IL5RA: variants seen among roughly 807,000 people sequenced by gnomAD.
The protein encoded by IL5RA is interleukin 5 receptor subunit alpha.
A neutral mutation model predicts 50.0 loss-of-function variants in IL5RA; 49 were observed. That is an observed-to-expected ratio of 0.98 (90% confidence interval 0.78 to 1.24). The LOEUF (loss-of-function observed/expected upper bound fraction) is 1.24. Ranked by LOEUF, IL5RA falls within the 50% of genes most tolerant of loss-of-function variation. The pLI, the probability that IL5RA is intolerant of heterozygous loss-of-function variation, is 0.00. For synonymous variants in IL5RA, 202 were observed against 174.0 expected, an observed-to-expected ratio of 1.16 and a Z score of -1.26; for missense variants, 600 against 500.4, an observed-to-expected ratio of 1.20 and a Z score of -1.90.
intron 9 of IL5RA, among the ~76,000 whole-genome samples, chr3:3,084,344 A>T (rs1434072977): frequency 6.6e-6 from 1 of 152,228 alleles, no homozygotes; most frequent in Non-Finnish European, 1.5e-5. Flanking sequence ...GAATTCTAAA[A>T]ATGCAGAGAG....
rs868206726 is a variant in IL5RA at position 3,093,426 on chromosome 3, A to G, written c.856-1064T>C. Among the ~76,000 whole-genome samples the G allele has an allele frequency of 1.2e-4, 18 of 152,368 alleles. 1 individual carries two copies. Among genetic ancestry groups the G allele is most frequent in the Middle Eastern group, 3.4e-3 (1 of 294 alleles). ...TTTGACATTGCCATGATATCCAAAC[A>G]CATGATCAGTGAACTGACACTTTAC... On this transcript the variant is annotated intron_variant, in intron 8 of 11. Coordinates refer to ENST00000446632, the MANE Select transcript of IL5RA (RefSeq NM_175726.4).
intron 9 of IL5RA, among the ~76,000 whole-genome samples, chr3:3,087,174 A>G (rs1004565892): frequency 6.6e-6 from 1 of 152,204 alleles, no homozygotes; most frequent in South Asian, 2.1e-4. Context: ...TATGCAATTC[A>G]TCCATGTAAC....
In IL5RA at chr3:3,075,203, CT is replaced by C. The variant is rs10642608; in HGVS notation, c.1092-338del. 1.6e-3 allele frequency among the ~76,000 whole-genome samples: 110 copies of C among 69,976 alleles called. No individual in the cohort carries two copies. In the East Asian group the frequency reaches 0.021, roughly 13 times the overall value. 45.9% of individuals were successfully genotyped at this position (69,976 alleles called of 152,430 possible). On this transcript the variant is annotated intron_variant, in intron 10 of 11. Coordinates refer to ENST00000446632, the MANE Select transcript of IL5RA (RefSeq NM_175726.4). ...TATGTTTACTCACAGAGTTTACTTA[CT>C]TTTTTTTTTTTTTTTTTTTTTTTGG...
chr3:3,098,883 T>G (rs1229908240), intron 5 of IL5RA, among the ~76,000 whole-genome samples: 1 of 152,134 alleles, frequency 6.6e-6, no homozygotes, highest in Non-Finnish European at 1.5e-5. Context: ...TACAATATAT[T>G]GTCATTTTGA....
At chr3:3,099,151 T>G (rs1023066487) in intron 5 of IL5RA, among the ~76,000 whole-genome samples, 1 of 152,154 alleles carries the variant, frequency 6.6e-6, no homozygotes, top group Non-Finnish European at 1.5e-5. Context: ...CTTTGCAGAC[T>G]TGATGCACAT....
intron 9 of IL5RA, among the ~76,000 whole-genome samples, chr3:3,090,482 A>G (rs1298591219): frequency 2.0e-5 from 3 of 151,624 alleles, no homozygotes; most frequent in Non-Finnish European, 4.4e-5. Context: ...TCCTTCTCTC[A>G]TACAATGCCT....
chr3:3,070,141 T>C lies in IL5RA; in HGVS notation c.*84A>G, dbSNP rs866331909. The stretch of plus-strand genomic sequence containing the variant: ...GAGTGTTGCCTAAATTCTGAACACC[T>C]CTTAGCCAAGAGCCAGCATCCCTGT... On this transcript the variant is annotated 3_prime_UTR_variant, in exon 12 of 12. Coordinates refer to ENST00000446632, the MANE Select transcript of IL5RA (RefSeq NM_175726.4). 5.7e-6 allele frequency: 5 copies of C among 872,004 alleles called. No homozygotes were observed. Among genetic ancestry groups the C allele is most frequent in the African/African-American group, 1.7e-5 (1 of 58,634 alleles). The allele number at this position is 872,004 out of a possible 1,614,324, so 54.0% of individuals were successfully genotyped here. A position where few individuals can be genotyped will look rare whatever the true frequency, so the allele number is the denominator to read the frequency against.
At chr3:3,071,703 C>T (rs778524208) in intron 11 of IL5RA, among the ~76,000 whole-genome samples, 1 of 151,970 alleles carries the variant, frequency 6.6e-6, no homozygotes, top group Non-Finnish European at 1.5e-5. Flanking sequence ...CATCTTCCCA[C>T]CTCAGCCTCC....
At chr3:3,085,398 T>G (rs1315076332) in intron 9 of IL5RA, among the ~76,000 whole-genome samples, 1 of 152,202 alleles carries the variant, frequency 6.6e-6, no homozygotes, top group Non-Finnish European at 1.5e-5. Flanking sequence ...CCCTTTCATC[T>G]TCCTTCGTGT....
intron 9 of IL5RA, chr3:3,091,973 C>T (rs951931416): frequency 5.0e-6 from 6 of 1,209,414 alleles, no homozygotes; most frequent in Non-Finnish European, 5.1e-6. Flanking sequence ...GAAGTAGAAA[C>T]AAAACTTGGA....
intron 5 of IL5RA, among the ~76,000 whole-genome samples, chr3:3,100,290 G>C (rs1387814682): frequency 1.3e-5 from 2 of 152,178 alleles, no homozygotes; most frequent in African/African-American, 4.8e-5. Flanking sequence ...AAGATGATGA[G>C]AGAGAGCCTC....
Position 3,069,632 on chromosome 3 carries a change from C to CTG in IL5RA, c.*592_*593insCA, listed in dbSNP as rs761994838. ...AGGCCTCTGGAGCTTGAGATAATTT[C>CTG]TCTCTCTCTCTCTCTCTCTCTCTCT... On this transcript the variant is annotated 3_prime_UTR_variant, in exon 12 of 12. Transcript: ENST00000446632. 1 of 93,792 alleles carries CTG rather than the reference C, an allele frequency of 1.1e-5. No individual in the cohort carries two copies. Among genetic ancestry groups the CTG allele is most frequent in the Non-Finnish European group, 2.3e-5 (1 of 44,176 alleles). 5.8% of individuals were successfully genotyped at this position (93,792 alleles called of 1,614,324 possible).
chr3:3,099,465 CA>C (rs1311373734), intron 5 of IL5RA, among the ~76,000 whole-genome samples: 1 of 151,940 alleles, frequency 6.6e-6, no homozygotes, highest in Non-Finnish European at 1.5e-5. Flanking sequence ...CCCAACTCTA[CA>C]AAAAATACAA....
In IL5RA at chr3:3,104,896, T is replaced by C. The variant is rs775184334; in HGVS notation, c.82+7A>G. On this transcript the variant is annotated splice_region_variant and intron_variant, in intron 3 of 11. Coordinates refer to ENST00000446632, the MANE Select transcript of IL5RA (RefSeq NM_175726.4). The stretch of plus-strand genomic sequence containing the variant: ...AAACATTATTGAATTGAATAGAAGG[T>C]CCTTACTCTTTTCATCAGGAAGTAA... The C allele has an allele frequency of 7.1e-6, 11 of 1,553,020 alleles. No individual in the cohort carries two copies. Among genetic ancestry groups the C allele is most frequent in the Non-Finnish European group, 9.8e-6 (11 of 1,124,886 alleles).
intron 9 of IL5RA, among the ~76,000 whole-genome samples, chr3:3,085,741 C>G (rs1237013249): frequency 6.6e-6 from 1 of 152,156 alleles, no homozygotes; most frequent in Non-Finnish European, 1.5e-5. Flanking sequence ...ATAGGCCACC[C>G]TGATACCCTA....
intron 2 of IL5RA, among the ~76,000 whole-genome samples, chr3:3,106,249 T>C (rs1703916575): frequency 6.6e-6 from 1 of 152,230 alleles, no homozygotes; most frequent in Admixed American, 6.5e-5. Context: ...TTTAAGTGGC[T>C]TGGTATTTTC....
chr3:3,098,618 G>T (rs1395387770), intron 5 of IL5RA, among the ~76,000 whole-genome samples: 2 of 152,128 alleles, frequency 1.3e-5, no homozygotes, highest in Non-Finnish European at 2.9e-5. Flanking sequence ...ATGATGGCCA[G>T]GCTGGTCTTG....
At position 3,098,011 on chromosome 3, in the gene IL5RA, G is replaced by T. The variant is rs771417182; in HGVS notation, c.568C>A (p.Leu190Met). The T allele has an allele frequency of 1.2e-6, 2 of 1,614,218 alleles. No individual in the cohort carries two copies. The highest frequency in any genetic ancestry group is 2.2e-5 in the East Asian group (1 of 44,880). Reference protein sequence around the residue: ...EECQEYSKDTLGRNIACWFPR... With the variant: ...EECQEYSKDTMGRNIACWFPR... Reference sequence around the variant, plus strand: ...AACCAGCATGCGATATTTCTCCCCAGTGTGTCTTTGCTGTATTCTTGGCAT... The same window carrying T: ...AACCAGCATGCGATATTTCTCCCCATTGTGTCTTTGCTGTATTCTTGGCAT... The change falls in exon 7 of 12, where the codon CTG (leucine) becomes ATG (methionine). Residue 190 changes from leucine to methionine, a missense_variant. Leu to Met is a conservative substitution (Grantham distance 15). Coordinates refer to ENST00000446632, the MANE Select transcript of IL5RA (RefSeq NM_175726.4).
At chr3:3,089,911 C>A in intron 9 of IL5RA, 1 of 252,358 alleles carries the variant, frequency 4.0e-6, no homozygotes, top group South Asian at 5.9e-5. Flanking sequence ...CCGCACCCAT[C>A]CCCAAGATCT....
Sources: gnomAD v4.1 joint callset for allele counts (sites outside exome capture counted in the v4.1 genomes callset) on GRCh38, gnomAD v4.1.1 for gene constraint, MANE v1.5 for transcripts, NCBI Gene and HGNC (gene_info 2026-07-23, HGNC 2026-07-21) for gene names.